The following MTMR12 variants were observed in gnomAD, a reference collection of about 807,000 sequenced individuals.
The protein encoded by MTMR12 is myotubularin-related protein 12.
MTMR12 carries 33 observed loss-of-function variants against 96.7 expected under a neutral mutation model. The ratio of observed to expected loss-of-function variants is 0.34; its 90% CI spans 0.26 to 0.46. MTMR12 has a LOEUF of 0.46. Ranked by LOEUF, MTMR12 falls within the 20% of genes least tolerant of loss-of-function variation. The probability of loss-of-function intolerance (pLI) is 1.00; values close to 1 mark genes in which losing one functional copy is unlikely to be tolerated. For missense variants in MTMR12, 721 were observed against 896.1 expected (o/e 0.80, Z 2.49); for synonymous variants, 298 against 327.2 (o/e 0.91, Z 0.96).
chr5:32,263,723 C>T (rs1203088271), intron 6 of MTMR12, among the ~76,000 whole-genome samples: 1 of 152,102 alleles, frequency 6.6e-6, no homozygotes, highest in African/African-American at 2.4e-5. Context: ...CAGGAGTGAG[C>T]CATCGCGCCA....
chr5:32,242,080 T>A lies in MTMR12; in HGVS notation c.1148A>T (p.Gln383Leu). 6.2e-7 allele frequency: 1 copy of A among 1,613,158 alleles called. No individual in the cohort carries two copies. Among genetic ancestry groups the A allele is most frequent in the Non-Finnish European group, 8.5e-7 (1 of 1,179,358 alleles). Residue 383 changes from glutamine (Q) to leucine (L), a missense_variant, in exon 12 of 16, where the codon CAA becomes CTA. Physicochemically the swap from Gln to Leu is moderately radical, Grantham distance 113. Coordinates refer to ENST00000382142, the MANE Select transcript of MTMR12 (RefSeq NM_001040446.3). ...AIEITECMEA[Q>L]NMNVLLLEEN... ...ACCTAAAAGAAGAACATTCATGTTTTGTGCTTCCATACATTCTGTAATCTC... is the reference window on the plus strand; with the variant it reads ...ACCTAAAAGAAGAACATTCATGTTTAGTGCTTCCATACATTCTGTAATCTC...
At chr5:32,295,821 C>T (rs189035670) in intron 1 of MTMR12, among the ~76,000 whole-genome samples, 13 of 152,278 alleles carry the variant, frequency 8.5e-5, no homozygotes, top group Admixed American at 7.8e-4. Flanking sequence ...ATTCTGACAC[C>T]AAGCTTACAC....
rs562246288 is a variant in MTMR12 at position 32,312,053 on chromosome 5, T to G, written c.81+705A>C. The stretch of plus-strand genomic sequence containing the variant: ...ACTGATGTCTATCACAAGCACTTAG[T>G]GCCTGACACACAGTAGGAGCTCGAG... On this transcript the variant is annotated intron_variant, in intron 1 of 15. Coordinates refer to ENST00000382142, the MANE Select transcript of MTMR12 (RefSeq NM_001040446.3). This position sits in a 1 kb window ranked among gnomAD's most constrained non-coding sequence, Gnocchi z 5.0. Among the ~76,000 whole-genome samples, 4 of 152,206 alleles carry G rather than the reference T, an allele frequency of 2.6e-5. No individual in the cohort carries two copies. Among genetic ancestry groups the G allele is most frequent in the African/African-American group, 4.8e-5 (2 of 41,452 alleles).
chr5:32,236,753 C>G (rs962183921), intron 13 of MTMR12, among the ~76,000 whole-genome samples: 1 of 151,592 alleles, frequency 6.6e-6, no homozygotes, highest in African/African-American at 2.4e-5. Context: ...AGGAGAATCA[C>G]TTGAACCCAG....
chr5:32,235,172 A>G, intron 13 of MTMR12, 43 bp from the exon 14 acceptor site: 1 of 1,573,148 alleles, frequency 6.4e-7, no homozygotes, highest in Non-Finnish European at 8.6e-7. Context: ...CAGAGCCCAG[A>G]GCAAGCCATC....
intron 10 of MTMR12, among the ~76,000 whole-genome samples, chr5:32,245,474 G>A (rs937080861): frequency 6.6e-6 from 1 of 152,190 alleles, no homozygotes; most frequent in Non-Finnish European, 1.5e-5. Flanking sequence ...CAGTAGAGAA[G>A]GACCCTCTGA....
chr5:32,277,517 G>C (rs1327667917), intron 1 of MTMR12, among the ~76,000 whole-genome samples: 1 of 152,092 alleles, frequency 6.6e-6, no homozygotes, highest in Non-Finnish European at 1.5e-5. Flanking sequence ...TGGCCAACAT[G>C]GCAAAACCCC....
chr5:32,243,445 A>T, intron 11 of MTMR12, 76 bp downstream of exon 11: 1 of 1,023,002 alleles, frequency 9.8e-7, no homozygotes, highest in South Asian at 1.4e-5. Context: ...AAACAGTTAA[A>T]TTATTTGTCG....
intron 8 of MTMR12, among the ~76,000 whole-genome samples, chr5:32,253,090 T>C (rs1331964643): frequency 6.6e-6 from 1 of 152,206 alleles, no homozygotes. Context: ...GAGGGGACAT[T>C]TGGCAATACC....
In MTMR12 at chr5:32,263,207, TG is replaced by T; in HGVS notation, c.618del (p.Asp206GlufsTer17). On this transcript the variant is annotated frameshift_variant, in exon 7 of 16. Coordinates refer to ENST00000382142, the MANE Select transcript of MTMR12 (RefSeq NM_001040446.3). LOFTEE classifies it high-confidence loss of function. Reference sequence around the variant, plus strand: ...AGTTCCCAACACCAGTCCTTAAGTGTGTCAAACATTACGGTATGGTTCTTGG... The same window carrying T: ...AGTTCCCAACACCAGTCCTTAAGTGTTCAAACATTACGGTATGGTTCTTGG... ...TDPKNHTVMF[D>X]TLKDWCWELE... 1 of 1,614,178 alleles carries T rather than the reference TG, an allele frequency of 6.2e-7. No homozygotes were observed. Among genetic ancestry groups the T allele is most frequent in the Non-Finnish European group, 8.5e-7 (1 of 1,180,020 alleles).
rs1272908419 is a variant in MTMR12, at chr5:32,228,637, A to G, written c.*1141T>C. ...TATATGATATATATATATCACATATATATCATATATATATCATTTAGACAG... is the reference window on the plus strand; with the variant it reads ...TATATGATATATATATATCACATATGTATCATATATATATCATTTAGACAG... On this transcript the variant is annotated 3_prime_UTR_variant, in exon 16 of 16. Coordinates refer to ENST00000382142, the MANE Select transcript of MTMR12 (RefSeq NM_001040446.3). The G allele has an allele frequency of 2.1e-5, 3 of 145,864 alleles. No individual in the cohort carries two copies. The East Asian group carries it at 5.9e-4, about 29-fold the overall frequency. 9.0% of individuals were successfully genotyped at this position (145,864 alleles called of 1,614,324 possible).
intron 1 of MTMR12, among the ~76,000 whole-genome samples, chr5:32,279,375 G>C (rs1466560588): frequency 2.6e-5 from 4 of 151,998 alleles, no homozygotes; most frequent in Non-Finnish European, 4.4e-5. Flanking sequence ...AGCCATGACT[G>C]CACCACTGCA....
chr5:32,274,812 C>A (rs1749987316), intron 2 of MTMR12, among the ~76,000 whole-genome samples: 1 of 152,156 alleles, frequency 6.6e-6, no homozygotes, highest in South Asian at 2.1e-4. Context: ...TCTGCAGCAC[C>A]CAGCCGACGT....
At chr5:32,283,713 A>G (rs1750401155) in intron 1 of MTMR12, among the ~76,000 whole-genome samples, 1 of 152,246 alleles carries the variant, frequency 6.6e-6, no homozygotes, top group Non-Finnish European at 1.5e-5. Flanking sequence ...GTGACCAGGG[A>G]AAGCCTCGAA....
At position 32,248,059 on chromosome 5, in the gene MTMR12, G is replaced by C; in HGVS notation, c.964C>G (p.Leu322Val). Residue 322 changes from leucine to valine, a missense_variant, in exon 10 of 16, where the codon CTG (leucine) becomes GTG (valine). Transcript: ENST00000382142. Reference sequence around the variant, plus strand: ...GCAGTCTGGATTTCCTGCAGGGACAGGAAGTTGCTTGACAGGTCTTCCGTT... The same window carrying C: ...GCAGTCTGGATTTCCTGCAGGGACACGAAGTTGCTTGACAGGTCTTCCGTT... ...VKTEDLSSNF[L>V]SLQEIQTAYS... 1.2e-6 allele frequency: 2 copies of C among 1,614,000 alleles called. No individual in the cohort carries two copies. The highest frequency in any genetic ancestry group is 1.7e-6 in the Non-Finnish European group (2 of 1,179,884).
At chr5:32,295,686 T>C (rs1388035175) in intron 1 of MTMR12, among the ~76,000 whole-genome samples, 1 of 152,220 alleles carries the variant, frequency 6.6e-6, no homozygotes, top group African/African-American at 2.4e-5. Context: ...TCACTTATCT[T>C]GACAACAATC....
At position 32,312,928 on chromosome 5, in the gene MTMR12, G is replaced by C. The variant is rs1751663496; in HGVS notation, c.-90C>G. On this transcript the variant is annotated 5_prime_UTR_variant, in exon 1 of 16. Coordinates refer to ENST00000382142, the MANE Select transcript of MTMR12 (RefSeq NM_001040446.3). The surrounding 1 kb of genome is among the most constrained non-coding windows in gnomAD (Gnocchi z 5.0). ...AGCAGCGGCGGCCACCAGCACTAGC[G>C]GCTGGGGCTCCGCCCATCCCCAAGG... 8.1e-7 allele frequency: 1 copy of C among 1,238,404 alleles called. No individual in the cohort carries two copies. Among genetic ancestry groups the C allele is most frequent in the Non-Finnish European group, 1.1e-6 (1 of 940,000 alleles). The allele number at this position is 1,238,404 out of a possible 1,614,324, so 76.7% of individuals were successfully genotyped here.
intron 1 of MTMR12, among the ~76,000 whole-genome samples, chr5:32,302,611 G>T (rs190434853): frequency 2.5e-4 from 38 of 152,194 alleles, no homozygotes; most frequent in Admixed American, 2.2e-3. Flanking sequence ...CAGCTACTTG[G>T]GAGGCTGAGG....
At chr5:32,246,405 G>A (rs763596132) in intron 10 of MTMR12, among the ~76,000 whole-genome samples, 2 of 152,040 alleles carry the variant, frequency 1.3e-5, no homozygotes, top group Non-Finnish European at 2.9e-5. Context: ...CAAGTTATCC[G>A]CCCGTCTCAG....
Sources: allele counts gnomAD v4.1 joint callset (sites outside exome capture counted in the v4.1 genomes callset), GRCh38; gene constraint gnomAD v4.1.1; non-coding constraint Gnocchi (gnomAD v3.1); transcripts MANE v1.5; gene names NCBI Gene and HGNC (gene_info 2026-07-23, HGNC 2026-07-21).